Variants in TEX14 observed in about 807,000 individuals in gnomAD.
The protein encoded by TEX14 is testis expressed 14, intercellular bridge forming factor, also known as inactive serine/threonine-protein kinase TEX14.
Under a neutral mutation model 178.6 loss-of-function variants are expected in TEX14, and 168 were observed. The observed-to-expected ratio is 0.94, with a 90% CI of 0.83 to 1.07. The LOEUF is 1.07. Ranked by LOEUF, TEX14 falls within the 50% of genes least tolerant of loss-of-function variation. The pLI is 0.00. For synonymous variants in TEX14, 626 were observed against 634.1 expected, an observed-to-expected ratio of 0.99 and a Z score of 0.19; for missense variants, 1,730 against 1,753.6, an observed-to-expected ratio of 0.99 and a Z score of 0.24.
rs980668022 is a variant in TEX14, at chr17:58,605,238, C to G, written c.1185-109G>C. On this transcript the variant is annotated intron_variant, in intron 10 of 31. Transcript: ENST00000349033. ...TCAGAGTCTTGCCCTGTCACCCAGG[C>G]TGGAAAGCAGCAGCGTGATCTCAGC... 6 of 1,344,104 alleles carry G rather than the reference C, an allele frequency of 4.5e-6. No homozygotes were observed. The African/African-American group carries it at 7.3e-5, about 16-fold the overall frequency. The allele number at this position is 1,344,104 out of a possible 1,614,324, so 83.3% of individuals were successfully genotyped here. A position where few individuals can be genotyped will look rare whatever the true frequency, so the allele number is the denominator to read the frequency against.
chr17:58,605,100 G>T lies in TEX14; in HGVS notation c.1214C>A (p.Thr405Asn), dbSNP rs1189422554. Residue 405 changes from threonine (T) to asparagine (N), a missense_variant, in exon 11 of 32, where the codon ACT becomes AAT. Coordinates refer to ENST00000349033, the MANE Select transcript of TEX14 (RefSeq NM_031272.5). ...TAGCTGCGTAGGAAGGGGCACTCGAGTCAGGTCCCTCTGTACACCTCTGTC... is the reference window on the plus strand; with the variant it reads ...TAGCTGCGTAGGAAGGGGCACTCGATTCAGGTCCCTCTGTACACCTCTGTC... Reference protein sequence around the residue: ...SEDRGVQRDLTRVPLPTQLYN... With the variant: ...SEDRGVQRDLNRVPLPTQLYN... 1 of 1,614,198 alleles carries T rather than the reference G, an allele frequency of 6.2e-7. No individual in the cohort carries two copies. Among genetic ancestry groups the T allele is most frequent in the Admixed American group, 1.7e-5 (1 of 60,028 alleles).
chr17:58,647,192 G>A (rs776367872), intron 2 of TEX14, among the ~76,000 whole-genome samples: 4 of 150,840 alleles, frequency 2.7e-5, no homozygotes, highest in African/African-American at 4.9e-5. Flanking sequence ...GAGCCACCGC[G>A]CCCAGCCTGG....
At chr17:58,661,408 G>GA in intron 1 of TEX14, 1 of 854,800 alleles carries the variant, frequency 1.2e-6, no homozygotes, top group Non-Finnish European at 2.1e-6. Flanking sequence ...CATTTCGGCT[G>GA]AACAAGTCAA....
At chr17:58,667,455 A>G (rs2047233025) in intron 1 of TEX14, among the ~76,000 whole-genome samples, 1 of 152,234 alleles carries the variant, frequency 6.6e-6, no homozygotes, top group African/African-American at 2.4e-5. Context: ...TAAAAACCCT[A>G]AAGCAAACCA....
At position 58,584,555 on chromosome 17, in the gene TEX14, C is replaced by G. The variant is rs2144407443; in HGVS notation, c.3116G>C (p.Ser1039Thr). 6.2e-7 allele frequency: 1 copy of G among 1,614,162 alleles called. No homozygotes were observed. Among genetic ancestry groups the G allele is most frequent in the East Asian group, 2.2e-5 (1 of 44,890 alleles). The stretch of plus-strand genomic sequence containing the variant: ...GTCAGAACTTGCTTGGAAGGCTTCA[C>G]TATGCTCTGGTTGCTCCTTTTGTCT... ...SPRQKEQPEH[S>T]EAFQASSDTL... The change falls in exon 19 of 32, where the codon AGT becomes ACT. Residue 1039 changes from serine to threonine, a missense_variant. By Grantham distance (58) the Ser-to-Thr change is moderately conservative. Coordinates refer to ENST00000349033, the MANE Select transcript of TEX14 (RefSeq NM_031272.5).
chr17:58,616,272 G>C lies in TEX14; in HGVS notation c.670C>G (p.Leu224Val), dbSNP rs1351141732. ...YLTGATQMAY[L>V]GSLPVIGEKE... Reference sequence around the variant, plus strand: ...TCTCCAATGACCGGAAGAGATCCTAGATAGGCCATCTGTGTCGCCCCAGTA... The same window carrying C: ...TCTCCAATGACCGGAAGAGATCCTACATAGGCCATCTGTGTCGCCCCAGTA... Residue 224 changes from leucine to valine, a missense_variant, in exon 7 of 32, where the codon CTA (leucine) becomes GTA (valine). Physicochemically the swap from Leu to Val is conservative, Grantham distance 32. Around this residue, in one of 2 missense-constraint regions of TEX14, gnomAD observed 789 missense variants for 681.2 expected, o/e 1.16. Coordinates refer to ENST00000349033, the MANE Select transcript of TEX14 (RefSeq NM_031272.5). The C allele has an allele frequency of 6.2e-7, 1 of 1,613,790 alleles. No homozygotes were observed. Among genetic ancestry groups the C allele is most frequent in the Non-Finnish European group, 8.5e-7 (1 of 1,179,928 alleles).
intron 31 of TEX14, among the ~76,000 whole-genome samples, chr17:58,557,281 T>G (rs930305383): frequency 3.3e-5 from 5 of 151,972 alleles, no homozygotes; most frequent in African/African-American, 1.2e-4. Context: ...TGTTCTTTTT[T>G]TTTTTTTGAG....
At chr17:58,660,612 G>T in intron 1 of TEX14, 2 of 792,344 alleles carry the variant, frequency 2.5e-6, no homozygotes, top group Non-Finnish European at 4.7e-6. Context: ...TAGCCCCTAG[G>T]GTGGGTGTCC....
In TEX14 at chr17:58,611,207, A is replaced by G. The variant is rs750310519; in HGVS notation, c.1138T>C (p.Ser380Pro). 1 of 1,613,938 alleles carries G rather than the reference A, an allele frequency of 6.2e-7. No homozygotes were observed. The highest frequency in any genetic ancestry group is 1.1e-5 in the South Asian group (1 of 91,056). Residue 380 changes from serine to proline, a missense_variant, in exon 10 of 32, where the codon TCC becomes CCC. This residue lies in a region of TEX14 where 789 missense variants were observed against 681.2 expected (regional missense o/e 1.16). Coordinates refer to ENST00000349033, the MANE Select transcript of TEX14 (RefSeq NM_031272.5). Reference protein sequence around the residue: ...SLSSYAVHIISPGEARLTNLE... With the variant: ...SLSSYAVHIIPPGEARLTNLE... ...TTGGTCAGCCTCGCTTCACCTGGGG[A>G]GATGATATGGACAGCATAGGAGCTG...
At position 58,611,294 on chromosome 17, in the gene TEX14, G is replaced by C; in HGVS notation, c.1051C>G (p.Leu351Val). ...CTCAGGGCATCAGATATCTGGAGCA[G>C]CAGGTGCACAATCACCTCCATGTGC... ...VLHMEVIVHL[L>V]LQISDALRYL... Residue 351 changes from leucine to valine, a missense_variant, in exon 10 of 32, where the codon CTG (leucine) becomes GTG (valine). Physicochemically the swap from Leu to Val is conservative, Grantham distance 32 (BLOSUM62 1). This residue lies in a region of TEX14 where 789 missense variants were observed against 681.2 expected (regional missense o/e 1.16). Coordinates refer to ENST00000349033, the MANE Select transcript of TEX14 (RefSeq NM_031272.5). 6.2e-7 allele frequency: 1 copy of C among 1,613,428 alleles called. No individual in the cohort carries two copies. The highest frequency in any genetic ancestry group is 1.1e-5 in the South Asian group (1 of 91,056).
At chr17:58,675,617 G>A (rs1185012929) in intron 1 of TEX14, among the ~76,000 whole-genome samples, 1 of 152,112 alleles carries the variant, frequency 6.6e-6, no homozygotes, top group East Asian at 1.9e-4. Flanking sequence ...TTAACAGATG[G>A]TTTCCCCATC....
At chr17:58,673,765 G>C (rs999771560) in intron 1 of TEX14, among the ~76,000 whole-genome samples, 2 of 151,710 alleles carry the variant, frequency 1.3e-5, no homozygotes, top group East Asian at 3.9e-4. Context: ...TACAGTTGGG[G>C]TTAAGCCATG....
intron 21 of TEX14, among the ~76,000 whole-genome samples, chr17:58,576,133 T>C (rs535387659): frequency 6.2e-4 from 94 of 152,332 alleles, no homozygotes; most frequent in African/African-American, 2.2e-3. Flanking sequence ...TTATAACAAT[T>C]ATGAATTTTT....
intron 24 of TEX14, among the ~76,000 whole-genome samples, chr17:58,571,635 GC>G (rs1312703275): frequency 6.6e-6 from 1 of 152,082 alleles, no homozygotes; most frequent in African/African-American, 2.4e-5. Flanking sequence ...GGAGAAGAAG[GC>G]AGTATATGAT....
At chr17:58,623,328 A>G (rs1312871151) in intron 3 of TEX14, among the ~76,000 whole-genome samples, 1 of 152,184 alleles carries the variant, frequency 6.6e-6, no homozygotes, top group Admixed American at 6.6e-5. Context: ...ATCTGGTTCC[A>G]AATCCAATTT....
At chr17:58,676,814 T>A (rs2047402614) in intron 1 of TEX14, among the ~76,000 whole-genome samples, 1 of 151,760 alleles carries the variant, frequency 6.6e-6, no homozygotes, top group African/African-American at 2.4e-5. Context: ...AGCGAGACCC[T>A]ATGCTACAAA....
intron 2 of TEX14, among the ~76,000 whole-genome samples, chr17:58,650,315 G>A (rs2046813058): frequency 6.6e-6 from 1 of 152,130 alleles, no homozygotes; most frequent in Admixed American, 6.6e-5. Context: ...GCCTCCCAAA[G>A]TGCTGGGATT....
chr17:58,646,855 G>A lies in TEX14; in HGVS notation c.136+5011C>T, dbSNP rs529154232. Among the ~76,000 whole-genome samples, 68 of 151,818 alleles carry A rather than the reference G, an allele frequency of 4.5e-4. 1 individual carries two copies. Among genetic ancestry groups the A allele is most frequent in the Admixed American group, 3.9e-3 (60 of 15,254 alleles). ...ATCTGTAACAATCGGTTTTCTGAAT[G>A]AGCTAAACTGAGTAGGATACAATCA... On this transcript the variant is annotated intron_variant, in intron 2 of 31. Transcript: ENST00000349033.
At position 58,556,685 on chromosome 17, in the gene TEX14, T is replaced by C; in HGVS notation, c.*326A>G. On this transcript the variant is annotated 3_prime_UTR_variant, in exon 32 of 32. Transcript: ENST00000349033. Reference sequence around the variant, plus strand: ...ATATCTTACACAGCAAAATCTGTTATTAAAATTAAACATTTTATTATATAA... The same window carrying C: ...ATATCTTACACAGCAAAATCTGTTACTAAAATTAAACATTTTATTATATAA... 7.0e-6 allele frequency: 2 copies of C among 285,286 alleles called. No individual in the cohort carries two copies. Among genetic ancestry groups the C allele is most frequent in the South Asian group, 1.9e-4 (2 of 10,698 alleles). The allele number at this position is 285,286 out of a possible 1,614,324, so 17.7% of individuals were successfully genotyped here.
Sources: gnomAD v4.1 joint callset for allele counts (sites outside exome capture counted in the v4.1 genomes callset) on GRCh38, gnomAD v4.1.1 for gene constraint, gnomAD v4.1.1 regional missense constraint, MANE v1.5 for transcripts, NCBI Gene and HGNC (gene_info 2026-07-23, HGNC 2026-07-21) for gene names.